RABGAP1: variants seen among roughly 807,000 people sequenced by gnomAD.
RABGAP1 encodes RAB GTPase activating protein 1, also known as rab GTPase-activating protein 1.
Under a neutral mutation model 137.6 loss-of-function variants are expected in RABGAP1, and 23 were observed. That is an observed-to-expected ratio of 0.17 (90% confidence interval 0.12 to 0.24). RABGAP1 has a LOEUF of 0.24. Among genes scored for constraint, RABGAP1 ranks in the 10% least tolerant of loss-of-function variants. The probability of loss-of-function intolerance (pLI) is 1.00; values close to 1 mark genes in which losing one functional copy is unlikely to be tolerated. For synonymous variants in RABGAP1, 451 were observed against 450.7 expected (o/e 1.00, Z -0.01); for missense variants, 906 against 1,275.8 (o/e 0.71, Z 4.42).
chr9:123,035,753 A>G (rs1386954533), intron 13 of RABGAP1: 2 of 591,394 alleles, frequency 3.4e-6, no homozygotes, highest in Admixed American at 3.3e-5. Context: ...AAACAATAGC[A>G]TACAAATTAT....
chr9:123,076,650 T>C lies in RABGAP1; in HGVS notation c.2312T>C (p.Leu771Pro). 6.3e-7 allele frequency: 1 copy of C among 1,598,734 alleles called. No homozygotes were observed. Among genetic ancestry groups the C allele is most frequent in the Non-Finnish European group, 8.5e-7 (1 of 1,173,768 alleles). Residue 771 changes from leucine to proline, a missense_variant, in exon 19 of 26, where the codon CTG (leucine) becomes CCG (proline). By Grantham distance (98) the Leu-to-Pro change is moderately conservative (BLOSUM62 -3). Transcript: ENST00000373647. ...LGLLKTSKDD[L>P]LLTDFEGALK... ...TTCTTCAAGACTTCGAAAGATGACC[T>C]GCTGTTGACAGACTTTGAAGGTGCC...
At chr9:123,057,379 T>G (rs1470442910) in intron 13 of RABGAP1, among the ~76,000 whole-genome samples, 538 of 78,646 alleles carry the variant, frequency 6.8e-3, no homozygotes, top group Middle Eastern at 9.8e-3. Flanking sequence ...CAGACGGGGT[T>G]GCGGCCGGGC....
intron 2 of RABGAP1, among the ~76,000 whole-genome samples, chr9:122,960,802 A>G (rs1194225643): frequency 6.6e-6 from 1 of 152,362 alleles, no homozygotes; most frequent in East Asian, 1.9e-4. Flanking sequence ...TTCACATGAA[A>G]CAGAGAATAT....
At chr9:123,031,541 A>T (rs976917545) in intron 13 of RABGAP1, among the ~76,000 whole-genome samples, 1 of 152,184 alleles carries the variant, frequency 6.6e-6, no homozygotes, top group Non-Finnish European at 1.5e-5. Context: ...ACAAAACTGT[A>T]AGTTTAGGTG....
rs544665052 is a variant in RABGAP1, at chr9:123,093,363, A to T, written c.2628+2978A>T. 2.0e-5 allele frequency among the ~76,000 whole-genome samples: 3 copies of T among 152,306 alleles called. No individual in the cohort carries two copies. In the South Asian group the frequency reaches 6.2e-4, roughly 32 times the overall value. ...AATGGGAGTAATGACTAGACCTGAC[A>T]CTGGTGTTAAAAGGATGAGGGGAAG... On this transcript the variant is annotated intron_variant, in intron 21 of 25. Coordinates refer to ENST00000373647, the MANE Select transcript of RABGAP1 (RefSeq NM_012197.4).
chr9:123,024,406 C>G (rs2031831314), intron 13 of RABGAP1, among the ~76,000 whole-genome samples: 1 of 151,720 alleles, frequency 6.6e-6, no homozygotes, highest in South Asian at 2.1e-4. Context: ...TTAATTTTTA[C>G]TATCAGTGGA....
Position 123,092,168 on chromosome 9 carries a change from C to T in RABGAP1, c.2628+1783C>T, listed in dbSNP as rs140593208. Among the ~76,000 whole-genome samples, 444 of 152,306 alleles carry T rather than the reference C, an allele frequency of 2.9e-3. 2 individuals are homozygous for T. Among genetic ancestry groups the T allele is most frequent in the African/African-American group, 0.01 (419 of 41,576 alleles). On this transcript the variant is annotated intron_variant, in intron 21 of 25. Coordinates refer to ENST00000373647, the MANE Select transcript of RABGAP1 (RefSeq NM_012197.4). Reference sequence around the variant, plus strand: ...TGAGCTGTTGTATTTTCCAGTCTAACAGGCCCAGTATTAACAGTGACACCC... The same window carrying T: ...TGAGCTGTTGTATTTTCCAGTCTAATAGGCCCAGTATTAACAGTGACACCC...
intron 3 of RABGAP1, among the ~76,000 whole-genome samples, chr9:122,985,054 T>C (rs1836296690): frequency 6.6e-6 from 1 of 151,348 alleles, no homozygotes; most frequent in Non-Finnish European, 1.5e-5. Context: ...ATTAGAGAAA[T>C]GGAGGGATAA....
intron 1 of RABGAP1, among the ~76,000 whole-genome samples, chr9:122,944,879 A>C (rs1199209987): frequency 6.6e-6 from 1 of 151,924 alleles, no homozygotes; most frequent in South Asian, 2.1e-4. Flanking sequence ...GCCCGGCCTA[A>C]ATAATCTTTC....
chr9:122,976,270 A>T (rs1835756562), intron 2 of RABGAP1, among the ~76,000 whole-genome samples: 2 of 152,238 alleles, frequency 1.3e-5, no homozygotes, highest in African/African-American at 4.8e-5. Context: ...AATGTAGAGT[A>T]CATGGAAATA....
chr9:122,942,684 A>AAAAAC (rs2131569527), intron 1 of RABGAP1, among the ~76,000 whole-genome samples: 1 of 151,368 alleles, frequency 6.6e-6, no homozygotes, highest in East Asian at 1.9e-4. Flanking sequence ...AAAAAAAAAA[A>AAAAAC]AAAACACAAA....
At chr9:122,991,750 A>C (rs1836735401) in intron 6 of RABGAP1, among the ~76,000 whole-genome samples, 1 of 151,488 alleles carries the variant, frequency 6.6e-6, no homozygotes, top group Non-Finnish European at 1.5e-5. Context: ...CCACGGATGC[A>C]TGCCACTATG....
chr9:123,027,975 T>C (rs2032078437), intron 13 of RABGAP1, among the ~76,000 whole-genome samples: 2 of 152,248 alleles, frequency 1.3e-5, no homozygotes, highest in African/African-American at 4.8e-5. Flanking sequence ...ATCTTATCCC[T>C]GTGAAGTTAT....
intron 17 of RABGAP1, among the ~76,000 whole-genome samples, chr9:123,074,658 A>C (rs954459121): frequency 1.3e-5 from 2 of 152,234 alleles, no homozygotes; most frequent in African/African-American, 4.8e-5. Context: ...GTATTAGTTC[A>C]TATTAGTTTT....
chr9:122,942,814 AATTTTAAT>A, intron 1 of RABGAP1, among the ~76,000 whole-genome samples: 1 of 152,094 alleles, frequency 6.6e-6, no homozygotes, highest in Non-Finnish European at 1.5e-5. Context: ...ATTCATATGT[AATTTTAAT>A]TCAAGATATT....
rs376613224 is a variant in RABGAP1, at chr9:123,044,339, A to C, written c.1795-21009A>C. Among the ~76,000 whole-genome samples the C allele has an allele frequency of 5.3e-5, 8 of 152,288 alleles. No individual in the cohort carries two copies. The South Asian group carries it at 1.0e-3, about 20-fold the overall frequency. ...TAGTAAATGGGGGCATAATAGCACT[A>C]TTTTACCTATGGTTCTTTACAAAGC... On this transcript the variant is annotated intron_variant, in intron 13 of 25. Coordinates refer to ENST00000373647, the MANE Select transcript of RABGAP1 (RefSeq NM_012197.4).
intron 1 of RABGAP1, among the ~76,000 whole-genome samples, chr9:122,949,693 CAAA>C (rs60115483): frequency 1.6e-4 from 9 of 54,824 alleles, no homozygotes; most frequent in East Asian, 9.8e-4. Context: ...GACTCTGTCT[CAAA>C]AAAAAAAAAA....
intron 2 of RABGAP1, among the ~76,000 whole-genome samples, chr9:122,975,722 TG>T (rs1475128556): frequency 6.6e-6 from 1 of 152,110 alleles, no homozygotes. Flanking sequence ...GGTACTGTGG[TG>T]TGAGAGTTAA....
intron 19 of RABGAP1, among the ~76,000 whole-genome samples, chr9:123,079,214 TTTTTTTG>T: frequency 6.9e-6 from 1 of 144,688 alleles, no homozygotes; most frequent in Non-Finnish European, 1.5e-5. Context: ...TTGTTGTTTG[TTTTTTTG>T]TTTTTTTGTT....
Sources: gnomAD v4.1 joint callset for allele counts (sites outside exome capture counted in the v4.1 genomes callset) on GRCh38, gnomAD v4.1.1 for gene constraint, MANE v1.5 for transcripts, NCBI Gene and HGNC (gene_info 2026-07-23, HGNC 2026-07-21) for gene names.